The following IRAG2 variants were observed in gnomAD, a reference collection of about 807,000 sequenced individuals.
IRAG2 encodes inositol 1,4,5-triphosphate receptor associated 2.
IRAG2 carries 45 observed loss-of-function variants against 69.9 expected under a neutral mutation model. The ratio of observed to expected loss-of-function variants is 0.64; its 90% CI spans 0.51 to 0.83. The LOEUF is 0.83. IRAG2 is among the 40% of genes least tolerant of loss of function. IRAG2 has a pLI of 0.00. For missense variants in IRAG2, 520 were observed against 587.0 expected (o/e 0.89, Z 1.18); for synonymous variants, 193 against 202.4 (o/e 0.95, Z 0.40).
upstream of IRAG2, among the ~76,000 whole-genome samples, chr12:25,001,643 C>T (rs1335217464): frequency 1.3e-5 from 2 of 152,134 alleles, no homozygotes; most frequent in Admixed American, 1.3e-4. Flanking sequence ...GATTTGGGAG[C>T]ATGAGTTTCC....
intron 16 of IRAG2, among the ~76,000 whole-genome samples, chr12:25,043,396 C>A (rs984402468): frequency 6.6e-6 from 1 of 152,108 alleles, no homozygotes; most frequent in Non-Finnish European, 1.5e-5. Flanking sequence ...CTAATGGGAC[C>A]TGGCATACTC....
intron 2 of IRAG2, among the ~76,000 whole-genome samples, chr12:25,006,086 CA>C (rs1208170793): frequency 6.6e-6 from 1 of 151,870 alleles, no homozygotes; most frequent in East Asian, 1.9e-4. Context: ...AGACACTTCT[CA>C]AAAGAAGACA....
chr12:25,052,285 AG>A, upstream of IRAG2: 1 of 393,814 alleles, frequency 2.5e-6, no homozygotes, highest in Non-Finnish European at 4.4e-6. Context: ...GCTGTCAACC[AG>A]GAAGGCATCC....
At chr12:25,082,873 C>T (rs960865557) in intron 9 of IRAG2, among the ~76,000 whole-genome samples, 1 of 152,120 alleles carries the variant, frequency 6.6e-6, no homozygotes, top group African/African-American at 2.4e-5. Flanking sequence ...TTATCCGGTA[C>T]ATTTCAGTAC....
intron 20 of IRAG2, among the ~76,000 whole-genome samples, chr12:25,105,912 A>G (rs1013163518): frequency 6.6e-6 from 1 of 152,190 alleles, no homozygotes; most frequent in African/African-American, 2.4e-5. Context: ...TGAGCTTGAG[A>G]TTTCAAAATT....
At chr12:25,100,029 G>GT (rs1948666923) in intron 15 of IRAG2, among the ~76,000 whole-genome samples, 1 of 46,726 alleles carries the variant, frequency 2.1e-5, no homozygotes, top group East Asian at 9.4e-4. Context: ...AAAAAAATGG[G>GT]CAAAAGACTT....
chr12:25,102,376 A>C (rs1948807853), intron 17 of IRAG2, 135 bp downstream of exon 17: 3 of 690,472 alleles, frequency 4.3e-6, no homozygotes, highest in Non-Finnish European at 7.3e-6. Context: ...TTGTTTATCT[A>C]AGTATGCTTT....
intron 10 of IRAG2, among the ~76,000 whole-genome samples, chr12:25,084,832 A>G (rs977616660): frequency 3.9e-5 from 6 of 152,254 alleles, no homozygotes; most frequent in African/African-American, 1.4e-4. Context: ...AGATACCAAA[A>G]TCAGAGAATG....
intron 7 of IRAG2, among the ~76,000 whole-genome samples, chr12:25,022,218 AT>A (rs1368183835): frequency 6.6e-6 from 1 of 152,154 alleles, no homozygotes; most frequent in Non-Finnish European, 1.5e-5. Flanking sequence ...TTAAATTGCT[AT>A]TGATTAAAGT....
exon 3 of IRAG2, chr12:25,011,379 G>A (rs1944473559): frequency 8.1e-6 from 10 of 1,231,552 alleles, no homozygotes; most frequent in Admixed American, 8.4e-5. Context: ...AGGCTCAGTC[G>A]GAGTGGCCAA....
intron 1 of IRAG2, among the ~76,000 whole-genome samples, chr12:25,057,252 ATTTTTTT>A (rs368710047): frequency 1.8e-4 from 16 of 89,052 alleles, no homozygotes; most frequent in African/African-American, 6.0e-4. Context: ...AGGTAGACAG[ATTTTTTT>A]TTTTTTTTTT....
chr12:25,099,714 AT>A (rs1220920520), intron 15 of IRAG2, among the ~76,000 whole-genome samples: 1 of 152,238 alleles, frequency 6.6e-6, no homozygotes, highest in East Asian at 1.9e-4. Context: ...GTTTGAAAGG[AT>A]GTGTGGCCGG....
intron 8 of IRAG2, among the ~76,000 whole-genome samples, chr12:25,025,640 C>T (rs544452220): frequency 3.9e-4 from 60 of 152,142 alleles, no homozygotes; most frequent in African/African-American, 1.4e-3. Flanking sequence ...TCCATTGTAG[C>T]GGGGCAAGAG....
intron 16 of IRAG2, among the ~76,000 whole-genome samples, chr12:25,041,515 TTCA>T (rs962966852): frequency 6.6e-6 from 1 of 152,126 alleles, no homozygotes; most frequent in African/African-American, 2.4e-5. Context: ...AGAGTCTCAC[TTCA>T]TCACCCAGAC....
chr12:25,017,863 A>G (rs1043317509), intron 6 of IRAG2, among the ~76,000 whole-genome samples: 1 of 152,096 alleles, frequency 6.6e-6, no homozygotes, highest in African/African-American at 2.4e-5. Flanking sequence ...CTCTTCTTAG[A>G]CCCTGGAAAC....
At chr12:25,045,481 GACAA>G (rs879735369) in intron 16 of IRAG2, among the ~76,000 whole-genome samples, 3 of 151,782 alleles carry the variant, frequency 2.0e-5, no homozygotes, top group African/African-American at 4.8e-5. Flanking sequence ...AGATAAACAA[GACAA>G]ACAAACCTTT....
intron 15 of IRAG2, chr12:25,037,828 A>G (rs1944713759): frequency 2.5e-6 from 1 of 394,660 alleles, no homozygotes; most frequent in Non-Finnish European, 4.5e-6. Flanking sequence ...ATTAACATAC[A>G]ATTGAGAATT....
chr12:25,074,355 C>T (rs80183639), intron 6 of IRAG2, among the ~76,000 whole-genome samples: 2,218 of 152,250 alleles, frequency 0.015, 51 homozygotes, highest in African/African-American at 0.05. Context: ...CATTTCCCAA[C>T]ATTTCCAGTG....
At chr12:25,107,733 T>A (rs1949297773) in intron 21 of IRAG2, 84 bp from the exon 22 acceptor site, 1 of 1,354,142 alleles carries the variant, frequency 7.4e-7, no homozygotes, top group African/African-American at 1.4e-5. Flanking sequence ...GAAGGGCAGA[T>A]CACCTGACTG....
Sources: allele counts gnomAD v4.1 joint callset (sites outside exome capture counted in the v4.1 genomes callset), GRCh38; gene constraint gnomAD v4.1.1; transcripts MANE v1.5; gene names NCBI Gene and HGNC (gene_info 2026-07-23, HGNC 2026-07-21).